Variants in CAND1 observed in about 807,000 individuals in gnomAD.
The protein encoded by CAND1 is cullin-associated NEDD8-dissociated protein 1.
In CAND1, 7 loss-of-function variants were observed where a neutral mutation model predicts 108.5. That is an observed-to-expected ratio of 0.06 (90% confidence interval 0.04 to 0.12). The LOEUF is 0.12. CAND1 is among the 10% of genes least tolerant of loss of function. The probability of loss-of-function intolerance (pLI) is 1.00; values close to 1 mark genes in which losing one functional copy is unlikely to be tolerated. For missense variants in CAND1, 941 were observed against 1,448.7 expected (o/e 0.65, Z 5.69); for synonymous variants, 534 against 512.0 (o/e 1.04, Z -0.58).
intron 1 of CAND1, chr12:67,270,788 A>G (rs916083614): frequency 6.8e-6 from 1 of 145,986 alleles, no homozygotes; most frequent in Non-Finnish European, 1.5e-5. Context: ...AAAAAAAAAG[A>G]AAAAAAAATC....
chr12:67,307,750 A>G (rs2044903336), intron 11 of CAND1, among the ~76,000 whole-genome samples: 2 of 152,074 alleles, frequency 1.3e-5, no homozygotes, highest in African/African-American at 4.8e-5. Flanking sequence ...TTTGATAGCC[A>G]TATTTTTGGG....
chr12:67,278,807 C>T (rs969182031), intron 1 of CAND1, among the ~76,000 whole-genome samples: 1 of 152,236 alleles, frequency 6.6e-6, no homozygotes, highest in Non-Finnish European at 1.5e-5. Context: ...GCGTGAGCCA[C>T]TGGCACCTGG....
chr12:67,312,199 G>A (rs1245020005), intron 14 of CAND1, among the ~76,000 whole-genome samples: 14 of 151,786 alleles, frequency 9.2e-5, no homozygotes, highest in Non-Finnish European at 2.1e-4. Context: ...AAGATGAAAC[G>A]GGCTTTGAAT....
intron 8 of CAND1, among the ~76,000 whole-genome samples, chr12:67,303,841 T>A (rs560179471): frequency 1.4e-4 from 22 of 152,116 alleles, no homozygotes; most frequent in Non-Finnish European, 2.8e-4. Context: ...AAATGGAAAG[T>A]AAGAAAAGGA....
Position 67,295,421 on chromosome 12 carries a change from G to T in CAND1, c.491+265G>T, listed in dbSNP as rs112697944. Among the ~76,000 whole-genome samples, 157 of 152,108 alleles carry T rather than the reference G, an allele frequency of 1.0e-3. 3 individuals are homozygous for T. The highest frequency in any genetic ancestry group is 3.5e-3 in the African/African-American group (144 of 41,518). ...GTGATTTTAAATTTTTTTTAGCACG[G>T]TTCATGTTTTGTTTTACTCATATAT... On this transcript the variant is annotated intron_variant, in intron 4 of 14. Coordinates refer to ENST00000545606, the MANE Select transcript of CAND1 (RefSeq NM_018448.5).
Position 67,316,644 on chromosome 12 carries a change from T to TTAATACCCTGTCCTCTTCA in CAND1, c.*3818_*3836dup, listed in dbSNP as rs1295187306. 5 of 152,210 alleles carry TTAATACCCTGTCCTCTTCA rather than the reference T, an allele frequency of 3.3e-5. No individual in the cohort carries two copies. Among genetic ancestry groups the TTAATACCCTGTCCTCTTCA allele is most frequent in the African/African-American group, 1.2e-4 (5 of 41,450 alleles). 9.4% of individuals were successfully genotyped at this position (152,210 alleles called of 1,614,324 possible). ...AAATACCTAATTTTGTTTTGGAATC[T>TTAATACCCTGTCCTCTTCA]TAATACCCTGTCCTCTTCATAACTT... On this transcript the variant is annotated 3_prime_UTR_variant, in exon 15 of 15. Coordinates refer to ENST00000545606, the MANE Select transcript of CAND1 (RefSeq NM_018448.5).
In CAND1 at chr12:67,317,199, C is replaced by T. The variant is rs1400444682; in HGVS notation, c.*4369C>T. The T allele has an allele frequency of 1.3e-5, 2 of 152,222 alleles. No homozygotes were observed. Among genetic ancestry groups the T allele is most frequent in the Non-Finnish European group, 2.9e-5 (2 of 68,112 alleles). 9.4% of individuals were successfully genotyped at this position (152,222 alleles called of 1,614,324 possible). A position where few individuals can be genotyped will look rare whatever the true frequency, so the allele number is the denominator to read the frequency against. ...GTTGCCTGGACTGGAGTACATAGCACGAACATGGTTTACTGCACCTCAGCT... is the reference window on the plus strand; with the variant it reads ...GTTGCCTGGACTGGAGTACATAGCATGAACATGGTTTACTGCACCTCAGCT... On this transcript the variant is annotated 3_prime_UTR_variant, in exon 15 of 15. Coordinates refer to ENST00000545606, the MANE Select transcript of CAND1 (RefSeq NM_018448.5).
At chr12:67,304,960 T>G in intron 9 of CAND1, 144 bp from the exon 10 acceptor site, 1 of 878,894 alleles carries the variant, frequency 1.1e-6, no homozygotes, top group Non-Finnish European at 1.7e-6. Flanking sequence ...TTGGCTGTAA[T>G]ATTTATTGTA....
At chr12:67,308,240 G>A (rs998347219) in intron 11 of CAND1, among the ~76,000 whole-genome samples, 3 of 152,042 alleles carry the variant, frequency 2.0e-5, no homozygotes, top group Non-Finnish European at 4.4e-5. Flanking sequence ...CCATTCTTCA[G>A]TGTGCCAGAA....
chr12:67,319,893 T>C lies in CAND1; in HGVS notation c.*7063T>C, dbSNP rs1408369900. The C allele has an allele frequency of 6.6e-6, 1 of 152,260 alleles. No homozygotes were observed. Among genetic ancestry groups the C allele is most frequent in the Non-Finnish European group, 1.5e-5 (1 of 68,038 alleles). 9.4% of individuals were successfully genotyped at this position (152,260 alleles called of 1,614,324 possible). ...ATATATGGTTTTGGATTCATTCCTT[T>C]TAAAAAATATTTACTGTCATTTCAG... On this transcript the variant is annotated 3_prime_UTR_variant, in exon 15 of 15. Transcript: ENST00000545606.
chr12:67,298,086 T>C (rs962374905), intron 6 of CAND1, among the ~76,000 whole-genome samples: 2 of 152,198 alleles, frequency 1.3e-5, no homozygotes, highest in South Asian at 2.1e-4. Flanking sequence ...GAAAGGTATT[T>C]ATAATTATTT....
chr12:67,269,929 C>T, intron 1 of CAND1, 144 bp downstream of exon 1: 2 of 622,868 alleles, frequency 3.2e-6, no homozygotes, highest in South Asian at 4.1e-5. Context: ...CCGCTGGCCT[C>T]CCGATCCCTG....
At chr12:67,277,585 T>A (rs1251681947) in intron 1 of CAND1, among the ~76,000 whole-genome samples, 1 of 152,164 alleles carries the variant, frequency 6.6e-6, no homozygotes, top group African/African-American at 2.4e-5. Flanking sequence ...AAGAAGAAGA[T>A]GCTTGTTTAC....
rs1251840561 is a variant in CAND1, at chr12:67,318,117, A to AT, written c.*5287_*5288insT. On this transcript the variant is annotated 3_prime_UTR_variant, in exon 15 of 15. Coordinates refer to ENST00000545606, the MANE Select transcript of CAND1 (RefSeq NM_018448.5). Reference sequence around the variant, plus strand: ...GCGAAACCCCGTCTTTGCTAAAAAAACACAAAGAAATTAGCTAGACGTGGT... The same window carrying AT: ...GCGAAACCCCGTCTTTGCTAAAAAAATCACAAAGAAATTAGCTAGACGTGGT... 1 of 152,302 alleles carries AT rather than the reference A, an allele frequency of 6.6e-6. No individual in the cohort carries two copies. The highest frequency in any genetic ancestry group is 1.5e-5 in the Non-Finnish European group (1 of 68,098). 9.4% of individuals were successfully genotyped at this position (152,302 alleles called of 1,614,324 possible).
At position 67,289,908 on chromosome 12, in the gene CAND1, G is replaced by T. The variant is rs814290; in HGVS notation, c.213-2714G>T. Reference sequence around the variant, plus strand: ...TTGGTCAAGCAGTCAGCAGTCATCAGTTGAGCATCTATTTGAGACACTGAT... The same window carrying T: ...TTGGTCAAGCAGTCAGCAGTCATCATTTGAGCATCTATTTGAGACACTGAT... On this transcript the variant is annotated intron_variant, in intron 2 of 14. Transcript: ENST00000545606. Among the ~76,000 whole-genome samples the T allele has an allele frequency of 3.7e-3, 561 of 151,850 alleles. 1 individual carries two copies. Among genetic ancestry groups the T allele is most frequent in the Non-Finnish European group, 6.6e-3 (447 of 67,958 alleles).
chr12:67,269,868 C>G, intron 1 of CAND1, 83 bp downstream of exon 1: 1 of 1,219,662 alleles, frequency 8.2e-7, no homozygotes, highest in Non-Finnish European at 1.2e-6. Context: ...TGCCCCACCC[C>G]TTCGGCCGTA....
At chr12:67,292,287 A>G (rs1396604277) in intron 2 of CAND1, among the ~76,000 whole-genome samples, 1 of 152,162 alleles carries the variant, frequency 6.6e-6, no homozygotes, top group East Asian at 1.9e-4. Flanking sequence ...AGTGTGAACA[A>G]CAGTGAGACC....
At chr12:67,275,603 G>A (rs1318264080) in intron 1 of CAND1, among the ~76,000 whole-genome samples, 1 of 152,144 alleles carries the variant, frequency 6.6e-6, no homozygotes, top group Non-Finnish European at 1.5e-5. Context: ...AATAGCAGTG[G>A]TGTATGTGCA....
rs531357789 is a variant in CAND1 at position 67,293,454 on chromosome 12, G to A, written c.367+678G>A. 3.9e-5 allele frequency among the ~76,000 whole-genome samples: 6 copies of A among 152,246 alleles called. No individual in the cohort carries two copies. In the South Asian group the frequency reaches 1.2e-3, roughly 32 times the overall value. On this transcript the variant is annotated intron_variant, in intron 3 of 14. Transcript: ENST00000545606. ...CTATTTCATGGGAAGATTTAGATTG[G>A]TAATAATGTAGTCTGGGGGCCGGGC...
Sources: gnomAD v4.1 joint callset for allele counts (sites outside exome capture counted in the v4.1 genomes callset) on GRCh38, gnomAD v4.1.1 for gene constraint, MANE v1.5 for transcripts, NCBI Gene and HGNC (gene_info 2026-07-23, HGNC 2026-07-21) for gene names.